Variants in NHS observed in about 807,000 individuals in gnomAD.
NHS encodes the protein actin remodeling regulator NHS.
A neutral mutation model predicts 72.5 loss-of-function variants in NHS; 5 were observed. That is an observed-to-expected ratio of 0.07 (90% confidence interval 0.04 to 0.14). NHS has a LOEUF of 0.14. NHS is among the 10% of genes least tolerant of loss of function. NHS has a pLI of 1.00. For missense variants in NHS, 1,072 were observed against 1,355.7 expected, an observed-to-expected ratio of 0.79 and a Z score of 3.29; for synonymous variants, 464 against 547.7, an observed-to-expected ratio of 0.85 and a Z score of 2.13.
chrX:17,489,037 T>A (rs1175022288), intron 1 of NHS, among the ~76,000 whole-genome samples: 1 of 111,595 alleles, frequency 9.0e-6, no homozygotes, highest in African/African-American at 3.3e-5. Flanking sequence ...TGAGAACATG[T>A]GGTGTTTGGT....
At chrX:17,642,620 G>T (rs903068731) in intron 1 of NHS, among the ~76,000 whole-genome samples, 2 of 111,877 alleles carry the variant, frequency 1.8e-5, no homozygotes, top group African/African-American at 6.5e-5. Context: ...AGTATCAAAA[G>T]ATTTTTTTTA....
intron 1 of NHS, among the ~76,000 whole-genome samples, chrX:17,678,731 AAG>A (rs907333939): frequency 1.8e-5 from 2 of 108,670 alleles, no homozygotes; most frequent in Non-Finnish European, 3.9e-5. Flanking sequence ...AACCATATCA[AAG>A]AGAGAGAGAG....
chrX:17,408,038 G>T (rs1403188795), intron 1 of NHS, among the ~76,000 whole-genome samples: 1 of 111,223 alleles, frequency 9.0e-6, no homozygotes, highest in Non-Finnish European at 1.9e-5. Flanking sequence ...TGGAGACAGG[G>T]TCTCACTGTC....
intron 1 of NHS, among the ~76,000 whole-genome samples, chrX:17,408,396 A>T (rs933579151): frequency 8.9e-6 from 1 of 111,814 alleles, no homozygotes; most frequent in African/African-American, 3.3e-5. Flanking sequence ...TTAATAGCAC[A>T]TGGTGGGTGC....
At chrX:17,729,172 T>TA (rs2066470752) in intron 8 of NHS, among the ~76,000 whole-genome samples, 1 of 111,745 alleles carries the variant, frequency 8.9e-6, no homozygotes, top group African/African-American at 3.3e-5. Flanking sequence ...GCTGTAGTCA[T>TA]ACACCAGCAG....
intron 1 of NHS, among the ~76,000 whole-genome samples, chrX:17,491,774 G>A: frequency 1.1e-5 from 1 of 94,458 alleles, no homozygotes; most frequent in Non-Finnish European, 2.1e-5. Context: ...TTTTTTTTTG[G>A]TTGGTAGGCT....
At chrX:17,506,061 T>C (rs964063202) in intron 1 of NHS, among the ~76,000 whole-genome samples, 8 of 112,124 alleles carry the variant, frequency 7.1e-5, no homozygotes, top group African/African-American at 1.9e-4. Flanking sequence ...ATCCTCACTT[T>C]GTGGATCCCA....
chrX:17,443,509 C>T (rs1047067810), intron 1 of NHS, among the ~76,000 whole-genome samples: 4 of 111,722 alleles, frequency 3.6e-5, no homozygotes, highest in Admixed American at 2.8e-4. Flanking sequence ...ATACTCTGAG[C>T]TCTTTCTTAA....
chrX:17,535,260 C>A (rs2146945827), intron 1 of NHS, among the ~76,000 whole-genome samples: 1 of 111,694 alleles, frequency 9.0e-6, no homozygotes, highest in African/African-American at 3.3e-5. Flanking sequence ...GTTGCTTCTG[C>A]TGGGGTGTGA....
At chrX:17,670,861 G>A in intron 1 of NHS, among the ~76,000 whole-genome samples, 1 of 112,047 alleles carries the variant, frequency 8.9e-6, no homozygotes, top group East Asian at 2.8e-4. Context: ...ACACAAAAAA[G>A]TACTTCCTTA....
At position 17,734,340 on chromosome X, in the gene NHS, G is replaced by A. The variant is rs745986018; in HGVS notation, c.*1876G>A. ...TCTAAACTGCTACAGATTAAGAATA[G>A]ATAATCTGATTGCTGTTGTTTTGTT... is the stretch of plus-strand genomic sequence containing the variant. On this transcript the variant is annotated 3_prime_UTR_variant, in exon 9 of 9. Transcript: ENST00000676302. The A allele has an allele frequency of 8.5e-4, 96 of 112,594 alleles. No homozygotes were observed. The highest frequency in any genetic ancestry group is 4.2e-3 in the East Asian group (15 of 3,593). 9.3% of individuals were successfully genotyped at this position (112,594 alleles called of 1,213,427 possible).
intron 3 of NHS, among the ~76,000 whole-genome samples, chrX:17,706,490 AACACACACACACACACACAC>A (rs200289537): frequency 1.0e-5 from 1 of 98,064 alleles, no homozygotes; most frequent in Non-Finnish European, 2.1e-5. Flanking sequence ...TCAAAATAGA[AACACACACACACACACACAC>A]ACACACACAC....
intron 1 of NHS, among the ~76,000 whole-genome samples, chrX:17,446,350 G>A (rs1601710390): frequency 1.8e-5 from 2 of 110,982 alleles, no homozygotes; most frequent in Admixed American, 9.6e-5. Flanking sequence ...CCTGTGACCC[G>A]CACGTATACA....
intron 1 of NHS, among the ~76,000 whole-genome samples, chrX:17,439,820 T>C (rs985919382): frequency 8.9e-6 from 1 of 112,330 alleles, no homozygotes; most frequent in African/African-American, 3.2e-5. Flanking sequence ...CTTGAACAAA[T>C]GGGTTGCAAA....
chrX:17,625,236 C>A (rs1474717104), intron 1 of NHS, among the ~76,000 whole-genome samples: 4 of 111,561 alleles, frequency 3.6e-5, no homozygotes, highest in Non-Finnish European at 7.5e-5. Flanking sequence ...CTGCTGGATT[C>A]TCATATCTGC....
At chrX:17,430,138 C>G (rs1484827864) in intron 1 of NHS, among the ~76,000 whole-genome samples, 1 of 76,164 alleles carries the variant, frequency 1.3e-5, no homozygotes, top group African/African-American at 5.3e-5. Flanking sequence ...CTCCCTCCCT[C>G]CCTGCCTTCC....
At chrX:17,570,376 G>A (rs765736817) in intron 1 of NHS, among the ~76,000 whole-genome samples, 14 of 111,770 alleles carry the variant, frequency 1.3e-4, no homozygotes, top group African/African-American at 4.2e-4. Flanking sequence ...CATTGAAGAC[G>A]TCCTTCACAT....
intron 4 of NHS, 78 bp downstream of exon 4, chrX:17,719,484 T>C (rs2066392761): frequency 1.0e-5 from 8 of 803,649 alleles, no homozygotes; most frequent in Non-Finnish European, 1.2e-5. Flanking sequence ...CTCTTTTAAC[T>C]TTATGGAAAA....
chrX:17,694,135 C>T (rs779364393), intron 3 of NHS, among the ~76,000 whole-genome samples: 5 of 111,824 alleles, frequency 4.5e-5, no homozygotes, highest in South Asian at 3.8e-4. Context: ...CGAATAGCAA[C>T]GAGAGTACAT....
Sources: allele counts gnomAD v4.1 joint callset (sites outside exome capture counted in the v4.1 genomes callset), GRCh38; gene constraint gnomAD v4.1.1; transcripts MANE v1.5; gene names NCBI Gene and HGNC (gene_info 2026-07-23, HGNC 2026-07-21).